Variants in PRSS27 observed in about 807,000 individuals in gnomAD.
The protein encoded by PRSS27 is channel-activating protease 2.
A neutral mutation model predicts 32.0 loss-of-function variants in PRSS27; 25 were observed. The ratio of observed to expected loss-of-function variants is 0.78; its 90% CI spans 0.57 to 1.09. The LOEUF is 1.09. Among genes scored for constraint, PRSS27 ranks in the 50% least tolerant of loss-of-function variants. The probability of loss-of-function intolerance (pLI) is 0.00; values close to 1 mark genes in which losing one functional copy is unlikely to be tolerated. For synonymous variants in PRSS27, 178 were observed against 172.2 expected (o/e 1.03, Z -0.26); for missense variants, 401 against 394.9 (o/e 1.02, Z -0.13).
At position 2,715,738 on chromosome 16, in the gene PRSS27, C is replaced by G. The variant is rs753808823; in HGVS notation, c.216G>C (p.Thr72=). The change falls in exon 3 of 6, where the codon ACG becomes ACC. Residue 72 remains threonine, a synonymous_variant. Transcript: ENST00000302641. ...GSLIAEQWVL[T]AAHCFRNTSE... ...CTCACTTGCGGAAGCAGTGCGCAGC[C>G]GTCAGGACCCACTGCTCCGCGATGA... is the stretch of plus-strand genomic sequence containing the variant. 7.0e-6 allele frequency: 11 copies of G among 1,561,872 alleles called. No individual in the cohort carries two copies. In the African/African-American group the frequency reaches 9.4e-5, roughly 13 times the overall value.
Position 2,714,195 on chromosome 16 carries a change from G to C in PRSS27, c.378C>G (p.Ala126=), listed in dbSNP as rs780082693. Reference sequence around the variant, plus strand: ...GCACTGGTGCCTCCAGCTCCACCAGGGCCACGTCAGCGCTGGAGGCCGTGC... The same window carrying C: ...GCACTGGTGCCTCCAGCTCCACCAGCGCCACGTCAGCGCTGGAGGCCGTGC... ...YQGTASSADV[A]LVELEAPVPF... The change falls in exon 4 of 6, where the codon GCC becomes GCG. Residue 126 remains alanine (A), a synonymous_variant. Transcript: ENST00000302641. This position sits in a 1 kb window ranked among gnomAD's most constrained non-coding sequence, Gnocchi z 4.7. 11 of 1,613,918 alleles carry C rather than the reference G, an allele frequency of 6.8e-6. No homozygotes were observed. Among genetic ancestry groups the C allele is most frequent in the Admixed American group, 3.3e-5 (2 of 60,002 alleles).
intron 5 of PRSS27, chr16:2,713,317 C>T (rs981591511): frequency 5.5e-5 from 33 of 595,706 alleles, no homozygotes; most frequent in Non-Finnish European, 8.0e-5. Context: ...CCAGGATGGT[C>T]TCCATCTCCT....
rs1187008859 is a variant in PRSS27 at position 2,716,817 on chromosome 16, G to A, written c.47-291C>T. On this transcript the variant is annotated intron_variant, in intron 1 of 5. Transcript: ENST00000302641. ...CAGTGAAGGGATCCCCAGGCTAGAT[G>A]TCCCCTTCTCATCCTGGAAAGGGTC... 4 of 500,500 alleles carry A rather than the reference G, an allele frequency of 8.0e-6. No individual in the cohort carries two copies. In the Admixed American group the frequency reaches 1.3e-4, roughly 16 times the overall value. 31.0% of individuals were successfully genotyped at this position (500,500 alleles called of 1,614,324 possible).
chr16:2,715,964 T>G, intron 2 of PRSS27, 84 bp from the exon 3 acceptor site: 1 of 1,202,364 alleles, frequency 8.3e-7, no homozygotes, highest in Non-Finnish European at 1.1e-6. Context: ...CACACTCCAG[T>G]CCTCGGCCCT....
intron 2 of PRSS27, 143 bp downstream of exon 2, chr16:2,716,357 C>T: frequency 1.3e-6 from 1 of 778,660 alleles, no homozygotes; most frequent in Middle Eastern, 2.3e-4. Context: ...CCTTTCTGGG[C>T]TCCAGTTCCA....
rs746006948 is a variant in PRSS27, at chr16:2,713,434, G to C, written c.678+95C>G. ...CTTTTCAAAACAAGCTGCTCAGCTG[G>C]TTGAATGCATAGCCCATGGAGCGGG... On this transcript the variant is annotated intron_variant, in intron 5 of 5. Coordinates refer to ENST00000302641, the MANE Select transcript of PRSS27 (RefSeq NM_031948.5). 1.1e-5 allele frequency: 14 copies of C among 1,313,566 alleles called. No individual in the cohort carries two copies. In the South Asian group the frequency reaches 1.7e-4, roughly 16 times the overall value. 81.4% of individuals were successfully genotyped at this position (1,313,566 alleles called of 1,614,324 possible). A position where few individuals can be genotyped will look rare whatever the true frequency, so the allele number is the denominator to read the frequency against.
In PRSS27 at chr16:2,712,487, A is replaced by G. The variant is rs1246695744; in HGVS notation, c.*133T>C. 5.8e-6 allele frequency: 4 copies of G among 694,972 alleles called. No individual in the cohort carries two copies. Among genetic ancestry groups the G allele is most frequent in the Non-Finnish European group, 9.3e-6 (4 of 428,864 alleles). 43.1% of individuals were successfully genotyped at this position (694,972 alleles called of 1,614,324 possible). ...AAATAAGGGTATTTGAGAGGGGAGG[A>G]AGGAGCGCTATTTACAAATGAGTCT... On this transcript the variant is annotated 3_prime_UTR_variant, in exon 6 of 6. Coordinates refer to ENST00000302641, the MANE Select transcript of PRSS27 (RefSeq NM_031948.5). This position sits in a 1 kb window ranked among gnomAD's most constrained non-coding sequence, Gnocchi z 4.6.
At chr16:2,715,539 TG>T in intron 3 of PRSS27, 178 bp downstream of exon 3, 3 of 519,176 alleles carry the variant, frequency 5.8e-6, no homozygotes, top group Non-Finnish European at 1.0e-5. Flanking sequence ...CGGTTGCAAC[TG>T]GAAGTTAGCC....
At position 2,714,279 on chromosome 16, in the gene PRSS27, C is replaced by T. The variant is rs763509095; in HGVS notation, c.294G>A (p.Pro98=). The T allele has an allele frequency of 1.5e-5, 24 of 1,613,264 alleles. No homozygotes were observed. Among genetic ancestry groups the T allele is most frequent in the Admixed American group, 3.3e-5 (2 of 59,962 alleles). ...VLLGARQLVQ[P]GPHAMYARVR... ...CCCGGGCATACATAGCGTGTGGTCC[C>T]GGCTGCACTAGCTGCCTTGCCCCCA... The change falls in exon 4 of 6, where the codon CCG becomes CCA. Residue 98 remains proline, a synonymous_variant. Coordinates refer to ENST00000302641, the MANE Select transcript of PRSS27 (RefSeq NM_031948.5). This position sits in a 1 kb window ranked among gnomAD's most constrained non-coding sequence, Gnocchi z 4.7.
Position 2,720,186 on chromosome 16 carries a change from G to C in PRSS27, c.-26C>G. On this transcript the variant is annotated 5_prime_UTR_variant, in exon 1 of 6. Coordinates refer to ENST00000302641, the MANE Select transcript of PRSS27 (RefSeq NM_031948.5). ...GTCCTCAGGCCTGGCTGGGGCGCAGGGCCGTGGTCGGCGGTGGCAGAAGCG... is the reference window on the plus strand; with the variant it reads ...GTCCTCAGGCCTGGCTGGGGCGCAGCGCCGTGGTCGGCGGTGGCAGAAGCG... 6.4e-7 allele frequency: 1 copy of C among 1,570,590 alleles called. No individual in the cohort carries two copies. The highest frequency in any genetic ancestry group is 1.2e-5 in the South Asian group (1 of 86,106).
At chr16:2,716,565 A>G (rs2067703676) in intron 1 of PRSS27, 39 bp from the exon 2 acceptor site, 2 of 1,580,964 alleles carry the variant, frequency 1.3e-6, no homozygotes, top group African/African-American at 2.7e-5. Flanking sequence ...GGCCAGCTGC[A>G]GCCTGGCCTG....
intron 1 of PRSS27, among the ~76,000 whole-genome samples, 174 bp downstream of exon 1, chr16:2,719,941 T>C (rs2067724932): frequency 1.3e-5 from 2 of 152,070 alleles, no homozygotes; most frequent in South Asian, 4.1e-4. Flanking sequence ...CACTTTGGAC[T>C]CCCCACTTGG....
Position 2,712,569 on chromosome 16 carries a change from G to A in PRSS27, c.*51C>T, listed in dbSNP as rs765386154. On this transcript the variant is annotated 3_prime_UTR_variant, in exon 6 of 6. Transcript: ENST00000302641. The surrounding 1 kb of genome is among the most constrained non-coding windows in gnomAD (Gnocchi z 4.6). Reference sequence around the variant, plus strand: ...GGAGGACCAGCAGGATGGTGTGGGCGGGCAGGCTGGGTGCAGAGCTCTGCT... The same window carrying A: ...GGAGGACCAGCAGGATGGTGTGGGCAGGCAGGCTGGGTGCAGAGCTCTGCT... The A allele has an allele frequency of 2.3e-5, 34 of 1,489,090 alleles. 1 individual carries two copies. The highest frequency in any genetic ancestry group is 9.8e-5 in the African/African-American group (7 of 71,338). 92.2% of individuals were successfully genotyped at this position (1,489,090 alleles called of 1,614,324 possible). A position where few individuals can be genotyped will look rare whatever the true frequency, so the allele number is the denominator to read the frequency against.
In PRSS27 at chr16:2,720,137, C is replaced by T. The variant is rs200095934; in HGVS notation, c.24G>A (p.Pro8=). Reference sequence around the variant, plus strand: ...CACCAAAACACAGCAGCAGCAGGAGCGGCACCGCCGCCGGCCGCCTCATGT... The same window carrying T: ...CACCAAAACACAGCAGCAGCAGGAGTGGCACCGCCGCCGGCCGCCTCATGT... MRRPAAV[P]LLLLLCFGSQ... Residue 8 remains proline (P), a synonymous_variant, in exon 1 of 6, where the codon CCG becomes CCA. Transcript: ENST00000302641. 3 of 1,602,530 alleles carry T rather than the reference C, an allele frequency of 1.9e-6. No homozygotes were observed. The highest frequency in any genetic ancestry group is 2.3e-5 in the East Asian group (1 of 44,312).
intron 2 of PRSS27, 64 bp downstream of exon 2, chr16:2,716,436 T>G: frequency 4.1e-6 from 6 of 1,476,440 alleles, no homozygotes; most frequent in East Asian, 4.6e-5. Flanking sequence ...CCTCTGGCCA[T>G]GAGTGTCCCT....
intron 2 of PRSS27, 81 bp downstream of exon 2, chr16:2,716,419 C>T: frequency 7.3e-7 from 1 of 1,366,620 alleles, no homozygotes; most frequent in Non-Finnish European, 1.0e-6. Flanking sequence ...CTGTGCGTTC[C>T]AAATTCCCTC....
In PRSS27 at chr16:2,714,303, C is replaced by G. The variant is rs1243610193; in HGVS notation, c.270G>C (p.Leu90=). The G allele has an allele frequency of 5.8e-5, 93 of 1,613,182 alleles. No homozygotes were observed. Among genetic ancestry groups the G allele is most frequent in the Non-Finnish European group, 6.5e-5 (77 of 1,179,978 alleles). Residue 90 remains leucine, a synonymous_variant, in exon 4 of 6, where the codon CTG becomes CTC. Coordinates refer to ENST00000302641, the MANE Select transcript of PRSS27 (RefSeq NM_031948.5). This position sits in a 1 kb window ranked among gnomAD's most constrained non-coding sequence, Gnocchi z 4.7. ...CCGGCTGCACTAGCTGCCTTGCCCC[C>G]AGCAGGACCTGGTACAGGGACGTCT... ...TSETSLYQVL[L]GARQLVQPGP...
chr16:2,716,257 G>A (rs996478265), intron 2 of PRSS27: 3 of 595,504 alleles, frequency 5.0e-6, no homozygotes, highest in Non-Finnish European at 9.0e-6. Context: ...GGTTCAGGGT[G>A]ATCCTCAGAC....
intron 4 of PRSS27, 49 bp from the exon 5 acceptor site, chr16:2,713,747 A>G (rs1204371336): frequency 6.3e-7 from 1 of 1,593,506 alleles, no homozygotes; most frequent in Admixed American, 1.7e-5. Context: ...CCTCATCAAG[A>G]ACCCACGGCC....
Sources: gnomAD v4.1 joint callset for allele counts (sites outside exome capture counted in the v4.1 genomes callset) on GRCh38, gnomAD v4.1.1 for gene constraint, Gnocchi (gnomAD v3.1) non-coding constraint, MANE v1.5 for transcripts, NCBI Gene and HGNC (gene_info 2026-07-23, HGNC 2026-07-21) for gene names.